The following ZNF638 variants were observed in gnomAD, a reference collection of about 807,000 sequenced individuals.
The protein encoded by ZNF638 is zinc finger protein 638, also known as CTCL tumor antigen se33-1.
In ZNF638, 46 loss-of-function variants were observed where a neutral mutation model predicts 195.6. That is an observed-to-expected ratio of 0.24 (90% confidence interval 0.19 to 0.30). The LOEUF is 0.30. Among genes scored for constraint, ZNF638 ranks in the 10% least tolerant of loss-of-function variants. ZNF638 has a pLI of 1.00. For missense variants in ZNF638, 2,440 were observed against 2,325.3 expected, an observed-to-expected ratio of 1.05 and a Z score of -1.01; for synonymous variants, 845 against 772.0, an observed-to-expected ratio of 1.09 and a Z score of -1.57.
intron 17 of ZNF638, among the ~76,000 whole-genome samples, chr2:71,405,382 C>A (rs760876041): frequency 3.3e-5 from 5 of 152,006 alleles, no homozygotes; most frequent in Non-Finnish European, 7.4e-5. Flanking sequence ...CTTTTATATT[C>A]TTAGGGGAAT....
At chr2:71,345,195 GA>G in intron 1 of ZNF638, among the ~76,000 whole-genome samples, 1 of 152,120 alleles carries the variant, frequency 6.6e-6, no homozygotes, top group East Asian at 1.9e-4. Context: ...GGATATATAG[GA>G]AAAAACACAG....
At chr2:71,392,882 GAT>G (rs1207043335) in intron 10 of ZNF638, among the ~76,000 whole-genome samples, 3 of 152,152 alleles carry the variant, frequency 2.0e-5, no homozygotes, top group Non-Finnish European at 4.4e-5. Flanking sequence ...GGAATACTAA[GAT>G]ATGTACATGT....
rs1490041991 is a variant in ZNF638, at chr2:71,336,181, G to A, written c.-203+4306G>A. On this transcript the variant is annotated intron_variant, in intron 1 of 27. Transcript: ENST00000264447. The stretch of plus-strand genomic sequence containing the variant: ...GAGGTCGGGAGCTTAAGACCAGCCT[G>A]ACCAACATGGAGAAACCCCGTCTCT... Among the ~76,000 whole-genome samples, 18 of 152,100 alleles carry A rather than the reference G, an allele frequency of 1.2e-4. 1 individual carries two copies. Among genetic ancestry groups the A allele is most frequent in the Admixed American group, 1.2e-3 (18 of 15,276 alleles).
At chr2:71,421,274 T>G (rs554112624) in intron 21 of ZNF638, among the ~76,000 whole-genome samples, 22 of 152,296 alleles carry the variant, frequency 1.4e-4, no homozygotes, top group South Asian at 2.1e-4. Context: ...TTTCTGGTTG[T>G]GCTTTGCCAC....
chr2:71,378,958 C>T lies in ZNF638; in HGVS notation c.2266-1264C>T, dbSNP rs749533097. Reference sequence around the variant, plus strand: ...GGAGTTAGAAGGTAGGTAGAACATACGTTGTAAACTTTTAGAGGCCATTGT... The same window carrying T: ...GGAGTTAGAAGGTAGGTAGAACATATGTTGTAAACTTTTAGAGGCCATTGT... On this transcript the variant is annotated intron_variant, in intron 8 of 27. Coordinates refer to ENST00000264447, the MANE Select transcript of ZNF638 (RefSeq NM_014497.5). Among the ~76,000 whole-genome samples the T allele has an allele frequency of 7.2e-5, 11 of 152,236 alleles. No homozygotes were observed. In the East Asian group the frequency reaches 1.7e-3, roughly 24 times the overall value.
Position 71,423,340 on chromosome 2 carries a change from C to T in ZNF638, c.3826C>T (p.Pro1276Ser). 1.9e-6 allele frequency: 3 copies of T among 1,613,760 alleles called. No individual in the cohort carries two copies. Among genetic ancestry groups the T allele is most frequent in the Non-Finnish European group, 2.5e-6 (3 of 1,179,968 alleles). ...AAATGAAACTGTTTCGGAAATATTG[C>T]CATCAACTTGTATTGTGACGTTAGT... ...EKNETVSEIL[P>S]STCIVTLVPG... The change falls in exon 22 of 28, where the codon CCA becomes TCA. Residue 1276 changes from proline (P) to serine (S), a missense_variant. Transcript: ENST00000264447.
intron 25 of ZNF638, 22 bp from the exon 26 acceptor site, chr2:71,431,305 T>A: frequency 6.3e-7 from 1 of 1,598,294 alleles, no homozygotes; most frequent in Non-Finnish European, 8.6e-7. Context: ...CTGAATAGCT[T>A]TTTTTCCTCG....
chr2:71,374,012 T>TA (rs1426449824), intron 8 of ZNF638: 1 of 152,118 alleles, frequency 6.6e-6, no homozygotes. Context: ...TTTTTGTAGA[T>TA]ATGAGGTTTC....
chr2:71,421,454 C>T lies in ZNF638; in HGVS notation c.3300-1360C>T, dbSNP rs759196063. On this transcript the variant is annotated intron_variant, in intron 21 of 27. Coordinates refer to ENST00000264447, the MANE Select transcript of ZNF638 (RefSeq NM_014497.5). Reference sequence around the variant, plus strand: ...AGGTTTAGGGTCAAGAGGTATTTCTCTAATCTGGTAGAAAAGTTTTCTCCT... The same window carrying T: ...AGGTTTAGGGTCAAGAGGTATTTCTTTAATCTGGTAGAAAAGTTTTCTCCT... Among the ~76,000 whole-genome samples, 9 of 152,210 alleles carry T rather than the reference C, an allele frequency of 5.9e-5. No homozygotes were observed. The South Asian group carries it at 1.2e-3, about 21-fold the overall frequency.
At chr2:71,398,971 A>G (rs2079950111) in intron 12 of ZNF638, among the ~76,000 whole-genome samples, 199 bp downstream of exon 12, 1 of 152,196 alleles carries the variant, frequency 6.6e-6, no homozygotes, top group Non-Finnish European at 1.5e-5. Context: ...TCACATATAT[A>G]TAAAGCTATA....
intron 3 of ZNF638, among the ~76,000 whole-genome samples, chr2:71,360,002 A>G (rs1440502795): frequency 1.3e-5 from 2 of 152,210 alleles, no homozygotes; most frequent in East Asian, 1.9e-4. Flanking sequence ...AAAACCATCT[A>G]CGAGGTGTTA....
chr2:71,340,452 T>C (rs2078744841), intron 1 of ZNF638, among the ~76,000 whole-genome samples: 1 of 152,222 alleles, frequency 6.6e-6, no homozygotes. Flanking sequence ...TGTTAGTTTT[T>C]ATAGCTGAAT....
rs891901520 is a variant in ZNF638, at chr2:71,343,957, C to T, written c.-202-4796C>T. 6.1e-5 allele frequency among the ~76,000 whole-genome samples: 8 copies of T among 132,050 alleles called. No homozygotes were observed. In the East Asian group the frequency reaches 1.0e-3, roughly 17 times the overall value. 86.6% of individuals were successfully genotyped at this position (132,050 alleles called of 152,430 possible). The stretch of plus-strand genomic sequence containing the variant: ...CATCCTGGGTAACATGGTGAAACCC[C>T]GTCTCTACTAAAAATAAAAATAATC... On this transcript the variant is annotated intron_variant, in intron 1 of 27. Coordinates refer to ENST00000264447, the MANE Select transcript of ZNF638 (RefSeq NM_014497.5).
Position 71,424,024 on chromosome 2 carries a change from G to T in ZNF638, c.4510G>T (p.Asp1504Tyr). ...EARPSIMKRDDSNNKTLAEQN... is the reference protein window; with the variant it reads ...EARPSIMKRDYSNNKTLAEQN... ...TAGACCTTCCATCATGAAACGGGAT[G>T]ACAGCAACAATAAGGTGAGGAGGGT... Residue 1504 changes from aspartate to tyrosine, a missense_variant, in exon 22 of 28, where the codon GAC becomes TAC. Physicochemically the swap from Asp to Tyr is radical, Grantham distance 160 (BLOSUM62 -3). Transcript: ENST00000264447. 1 of 1,613,646 alleles carries T rather than the reference G, an allele frequency of 6.2e-7. No homozygotes were observed.
intron 11 of ZNF638, among the ~76,000 whole-genome samples, chr2:71,397,519 A>G (rs1430793371): frequency 6.6e-6 from 1 of 152,196 alleles, no homozygotes; most frequent in South Asian, 2.1e-4. Context: ...TTTTAAAAGT[A>G]TGATTGTATT....
chr2:71,349,455 T>C lies in ZNF638; in HGVS notation c.501T>C (p.Pro167=), dbSNP rs771717167. The change falls in exon 2 of 28, where the codon CCT becomes CCC. Residue 167 remains proline (P), a synonymous_variant. Transcript: ENST00000264447. ...GCTATCCTGATGAACAACTAACTCCTGAAAATATGCCATTAATTTTGAGGG... is the reference window on the plus strand; with the variant it reads ...GCTATCCTGATGAACAACTAACTCCCGAAAATATGCCATTAATTTTGAGGG... The part of the protein sequence containing the change: ...LSRYPDEQLT[P]ENMPLILRDI... 6 of 1,614,146 alleles carry C rather than the reference T, an allele frequency of 3.7e-6. No homozygotes were observed. The highest frequency in any genetic ancestry group is 1.6e-4 in the Middle Eastern group (1 of 6,062).
chr2:71,400,512 TAAC>T lies in ZNF638; in HGVS notation c.2694_2696del (p.Asn898del), dbSNP rs2079985349. 6.2e-7 allele frequency: 1 copy of T among 1,603,252 alleles called. No individual in the cohort carries two copies. The highest frequency in any genetic ancestry group is 1.1e-5 in the South Asian group (1 of 88,734). ...TGGAGGCCACAGAGAATGAACCACT[TAAC>T]AAGGTCAGTTTTCATGTTTTATTTA... On this transcript the variant is annotated inframe_deletion, in exon 15 of 28. Transcript: ENST00000264447.
chr2:71,400,086 C>A, intron 13 of ZNF638, 26 bp from the exon 14 acceptor site: 1 of 1,563,600 alleles, frequency 6.4e-7, no homozygotes, highest in Non-Finnish European at 8.7e-7. Flanking sequence ...TTTTACTAGA[C>A]TATTAAAGCA....
intron 1 of ZNF638, among the ~76,000 whole-genome samples, chr2:71,339,840 C>A (rs759376727): frequency 3.3e-5 from 5 of 152,086 alleles, no homozygotes; most frequent in Non-Finnish European, 5.9e-5. Flanking sequence ...TAACCTGTTA[C>A]ACTTACTAGG....
Sources: allele counts gnomAD v4.1 joint callset (sites outside exome capture counted in the v4.1 genomes callset), GRCh38; gene constraint gnomAD v4.1.1; transcripts MANE v1.5; gene names NCBI Gene and HGNC (gene_info 2026-07-23, HGNC 2026-07-21).